The following DPYD variants were observed in gnomAD, a reference collection of about 807,000 sequenced individuals.
DPYD encodes dihydropyrimidine dehydrogenase.
DPYD carries 109 observed loss-of-function variants against 116.2 expected under a neutral mutation model. The ratio of observed to expected loss-of-function variants is 0.94; its 90% confidence interval spans 0.80 to 1.10. DPYD has a LOEUF of 1.10. Among genes scored for constraint, DPYD ranks in the 50% least tolerant of loss-of-function variants. The pLI is 0.00. For synonymous variants in DPYD, 440 were observed against 432.0 expected, an observed-to-expected ratio of 1.02 and a Z score of -0.23; for missense variants, 1,302 against 1,254.5, an observed-to-expected ratio of 1.04 and a Z score of -0.57.
At chr1:97,161,118 T>C (rs991016901) in intron 20 of DPYD, among the ~76,000 whole-genome samples, 1 of 152,150 alleles carries the variant, frequency 6.6e-6, no homozygotes, top group Non-Finnish European at 1.5e-5. Context: ...CTGGATCTCA[T>C]TCAATTTAGA....
intron 18 of DPYD, among the ~76,000 whole-genome samples, chr1:97,253,374 A>AT (rs1180505772): frequency 2.6e-5 from 4 of 152,278 alleles, no homozygotes; most frequent in Admixed American, 2.0e-4. Context: ...TCTTTAAAAG[A>AT]TTTTTTAGTA....
chr1:97,695,886 T>A (rs866920079), intron 6 of DPYD, among the ~76,000 whole-genome samples: 2 of 152,056 alleles, frequency 1.3e-5, no homozygotes, highest in South Asian at 2.1e-4. Flanking sequence ...TCCCAGCCCT[T>A]TGGGAGGCCA....
chr1:97,591,910 C>T (rs1028786786), intron 10 of DPYD, among the ~76,000 whole-genome samples: 3 of 148,896 alleles, frequency 2.0e-5, no homozygotes, highest in African/African-American at 7.4e-5. Flanking sequence ...AAAAAAGAAA[C>T]CTATGATCAT....
intron 20 of DPYD, among the ~76,000 whole-genome samples, chr1:97,177,632 G>C (rs957268260): frequency 2.6e-5 from 4 of 151,302 alleles, no homozygotes; most frequent in Non-Finnish European, 5.9e-5. Flanking sequence ...AGGAAATAGG[G>C]GCTAAGAGAA....
intron 19 of DPYD, among the ~76,000 whole-genome samples, chr1:97,233,797 G>A (rs1661731253): frequency 6.6e-6 from 1 of 152,116 alleles, no homozygotes; most frequent in South Asian, 2.1e-4. Context: ...TCACCTTTCA[G>A]TCTTCTTATA....
At chr1:97,494,090 C>T (rs956984658) in intron 13 of DPYD, among the ~76,000 whole-genome samples, 58 of 152,122 alleles carry the variant, frequency 3.8e-4, no homozygotes, top group African/African-American at 1.4e-3. Context: ...ATATGGCTTT[C>T]GAAATGCTTG....
At chr1:97,407,856 G>T (rs552633262) in intron 14 of DPYD, among the ~76,000 whole-genome samples, 2 of 152,192 alleles carry the variant, frequency 1.3e-5, no homozygotes, top group South Asian at 4.1e-4. Flanking sequence ...AAATAATGCT[G>T]CAACCAGGAG....
At chr1:97,892,135 A>G (rs1250543178) in intron 1 of DPYD, among the ~76,000 whole-genome samples, 1 of 151,824 alleles carries the variant, frequency 6.6e-6, no homozygotes, top group Non-Finnish European at 1.5e-5. Context: ...TCATAATTGG[A>G]CAGAAATACT....
chr1:97,750,297 A>G (rs902193625), intron 3 of DPYD, among the ~76,000 whole-genome samples: 4 of 152,120 alleles, frequency 2.6e-5, no homozygotes, highest in African/African-American at 9.7e-5. Context: ...TTTTTAAAAA[A>G]GAGGTGAAAA....
intron 14 of DPYD, among the ~76,000 whole-genome samples, chr1:97,440,709 A>G (rs184213234): frequency 6.6e-6 from 1 of 152,182 alleles, no homozygotes; most frequent in East Asian, 1.9e-4. Flanking sequence ...ATATTATCTT[A>G]TTTTTTGTTT....
intron 18 of DPYD, among the ~76,000 whole-genome samples, chr1:97,299,907 A>C (rs891120626): frequency 5.3e-5 from 8 of 152,110 alleles, no homozygotes; most frequent in African/African-American, 1.9e-4. Context: ...CAACATAATG[A>C]AAGAGGGGAT....
At chr1:97,566,808 G>A (rs755475283) in intron 11 of DPYD, among the ~76,000 whole-genome samples, 5 of 151,972 alleles carry the variant, frequency 3.3e-5, no homozygotes, top group African/African-American at 1.2e-4. Flanking sequence ...ATGTTTTGTT[G>A]TTTGAAAAAT....
chr1:97,438,305 G>A (rs1005457185), intron 14 of DPYD, among the ~76,000 whole-genome samples: 14 of 152,118 alleles, frequency 9.2e-5, no homozygotes, highest in African/African-American at 3.4e-4. Flanking sequence ...AGATAAAAAT[G>A]GGAAGACTTG....
At chr1:97,558,670 T>C (rs2102124802) in intron 11 of DPYD, among the ~76,000 whole-genome samples, 1 of 152,308 alleles carries the variant, frequency 6.6e-6, no homozygotes, top group Admixed American at 6.5e-5. Flanking sequence ...CTCCCCAAGT[T>C]GAATGGAAAC....
intron 1 of DPYD, among the ~76,000 whole-genome samples, chr1:97,887,787 C>G (rs573103207): frequency 6.6e-6 from 1 of 151,936 alleles, no homozygotes; most frequent in South Asian, 2.1e-4. Context: ...TGGGAGGGAC[C>G]CGGTGGGAGA....
intron 18 of DPYD, among the ~76,000 whole-genome samples, chr1:97,298,192 T>C (rs1666645318): frequency 6.6e-6 from 1 of 152,204 alleles, no homozygotes; most frequent in South Asian, 2.1e-4. Flanking sequence ...GATACTAATC[T>C]TTCTTCATCT....
At chr1:97,165,912 T>TAA (rs57322611) in intron 20 of DPYD, among the ~76,000 whole-genome samples, 1,657 of 149,780 alleles carry the variant, frequency 0.011, 30 homozygotes, top group South Asian at 0.035. Context: ...ATTAAAAAGT[T>TAA]AAAAAAAAAA....
chr1:97,318,209 G>A (rs1357036319), intron 16 of DPYD, among the ~76,000 whole-genome samples: 1 of 143,932 alleles, frequency 6.9e-6, no homozygotes. Context: ...CATAATGACA[G>A]GATCAAATTC....
intron 13 of DPYD, among the ~76,000 whole-genome samples, chr1:97,471,075 GAATGCAGAACAAC>G (rs796377245): frequency 3.3e-5 from 5 of 152,302 alleles, no homozygotes; most frequent in African/African-American, 1.2e-4. Context: ...TGTGAGTGCA[GAATGCAGAACAAC>G]AATGCAGAAC....
Sources: allele counts gnomAD v4.1 joint callset (sites outside exome capture counted in the v4.1 genomes callset), GRCh38; gene constraint gnomAD v4.1.1; transcripts MANE v1.5; gene names NCBI Gene and HGNC (gene_info 2026-07-23, HGNC 2026-07-21).